Variants in PITPNM3 observed in about 807,000 individuals in gnomAD.
The protein encoded by PITPNM3 is PITPNM family member 3.
In PITPNM3, 26 loss-of-function variants were observed where a neutral mutation model predicts 102.0. The ratio of observed to expected loss-of-function variants is 0.25; its 90% CI spans 0.19 to 0.35. The LOEUF is 0.35. PITPNM3 is among the 10% of genes least tolerant of loss of function. The pLI is 1.00. For synonymous variants in PITPNM3, 578 were observed against 558.6 expected (o/e 1.03, Z -0.49); for missense variants, 1,083 against 1,346.1 (o/e 0.80, Z 3.06).
At chr17:6,538,237 C>T (rs555660520) in intron 1 of PITPNM3, among the ~76,000 whole-genome samples, 155 bp from the exon 2 acceptor site, 61 of 152,326 alleles carry the variant, frequency 4.0e-4, no homozygotes, top group African/African-American at 1.4e-3. Flanking sequence ...CCCTCCCTCT[C>T]CTGTGCTGTC....
At position 6,464,658 on chromosome 17, in the gene PITPNM3, C is replaced by G; in HGVS notation, c.2004G>C (p.Glu668Asp). Reference protein sequence around the residue: ...GPLDMVALTGEKVDILVMAEP... With the variant: ...GPLDMVALTGDKVDILVMAEP... The stretch of plus-strand genomic sequence containing the variant: ...GGGGAGGCCCAGCCCCAGGTACCTT[C>G]TCTCCAGTCAGAGCCACCATGTCGA... Residue 668 changes from glutamate (E) to aspartate (D), a missense_variant, in exon 15 of 20, where the codon GAG (glutamate) becomes GAC (aspartate). This residue lies in a region of PITPNM3 where 410 missense variants were observed against 638.4 expected (regional missense o/e 0.64). Transcript: ENST00000262483. The G allele has an allele frequency of 6.2e-7, 1 of 1,613,782 alleles. No individual in the cohort carries two copies.
rs1171268376 is a variant in PITPNM3, at chr17:6,455,080, C to T, written c.*258G>A. 3 of 535,052 alleles carry T rather than the reference C, an allele frequency of 5.6e-6. No individual in the cohort carries two copies. The highest frequency in any genetic ancestry group is 9.7e-6 in the Non-Finnish European group (3 of 309,884). The allele number at this position is 535,052 out of a possible 1,614,324, so 33.1% of individuals were successfully genotyped here. A position where few individuals can be genotyped will look rare whatever the true frequency, so the allele number is the denominator to read the frequency against. On this transcript the variant is annotated 3_prime_UTR_variant, in exon 20 of 20. Coordinates refer to ENST00000262483, the MANE Select transcript of PITPNM3 (RefSeq NM_031220.4). ...CCCCCAGGATGACACAAACATGAAC[C>T]CTGACTTGGGCTTGCGGTCGCAGGC...
chr17:6,524,171 C>T (rs1287130271), intron 3 of PITPNM3, among the ~76,000 whole-genome samples: 3 of 152,216 alleles, frequency 2.0e-5, no homozygotes, highest in Non-Finnish European at 4.4e-5. Context: ...ACTACCAAGG[C>T]AGCCGTTCCC....
At chr17:6,497,897 C>A (rs1877700) in intron 4 of PITPNM3, among the ~76,000 whole-genome samples, 48,453 of 152,130 alleles carry the variant, frequency 0.32, 8,896 homozygotes, top group Middle Eastern at 0.56. Flanking sequence ...CTTTCCCAGC[C>A]TGTGCACTGC....
Position 6,556,430 on chromosome 17 carries a change from G to T in PITPNM3, c.-24C>A. 8.0e-7 allele frequency: 1 copy of T among 1,256,414 alleles called. No homozygotes were observed. Among genetic ancestry groups the T allele is most frequent in the Admixed American group, 3.8e-5 (1 of 26,086 alleles). The allele number at this position is 1,256,414 out of a possible 1,614,324, so 77.8% of individuals were successfully genotyped here. On this transcript the variant is annotated 5_prime_UTR_variant, in exon 1 of 20. Coordinates refer to ENST00000262483, the MANE Select transcript of PITPNM3 (RefSeq NM_031220.4). The surrounding 1 kb of genome is among the most constrained non-coding windows in gnomAD (Gnocchi z 5.2). ...ATGTCCCGGGCGGCGGGCTCCGGCG[G>T]CGCTACGCGCGCTCCTCGCGCTTCC...
intron 3 of PITPNM3, among the ~76,000 whole-genome samples, chr17:6,505,195 A>ATATGTGT (rs1555556402): frequency 7.3e-6 from 1 of 136,288 alleles, no homozygotes; most frequent in African/African-American, 3.0e-5. Flanking sequence ...AGACAAATAA[A>ATATGTGT]ATATATATAT....
chr17:6,549,879 G>A (rs979725858), intron 1 of PITPNM3, among the ~76,000 whole-genome samples: 1 of 152,194 alleles, frequency 6.6e-6, no homozygotes, highest in Non-Finnish European at 1.5e-5. Context: ...TGGCCTGCCA[G>A]GAGGCACGTG....
intron 14 of PITPNM3, among the ~76,000 whole-genome samples, chr17:6,467,082 A>AAAAAAAAAAAC (rs1567662415): frequency 3.3e-5 from 4 of 122,834 alleles, no homozygotes; most frequent in Admixed American, 8.5e-5. Context: ...AAAAAAAACC[A>AAAAAAAAAAAC]AAAAAAAAAA....
At chr17:6,499,562 C>T (rs1907043861) in intron 4 of PITPNM3, among the ~76,000 whole-genome samples, 1 of 152,162 alleles carries the variant, frequency 6.6e-6, no homozygotes, top group African/African-American at 2.4e-5. Context: ...CCAGGTGTTC[C>T]AGCTTCCAAG....
intron 1 of PITPNM3, among the ~76,000 whole-genome samples, chr17:6,538,529 A>G (rs1909567102): frequency 6.6e-6 from 1 of 152,198 alleles, no homozygotes; most frequent in African/African-American, 2.4e-5. Flanking sequence ...TCACCAGCCC[A>G]AAAGGAGACA....
chr17:6,554,490 G>A (rs184061037), intron 1 of PITPNM3, among the ~76,000 whole-genome samples: 261 of 152,198 alleles, frequency 1.7e-3, no homozygotes, highest in African/African-American at 6.1e-3. Context: ...GTGTTGCCTC[G>A]AGGGAAAGGG....
intron 1 of PITPNM3, among the ~76,000 whole-genome samples, chr17:6,542,613 C>T (rs1263776440): frequency 1.3e-5 from 2 of 152,182 alleles, no homozygotes; most frequent in Admixed American, 6.5e-5. Flanking sequence ...TTTTCTCATC[C>T]GGAAAATGAG....
intron 1 of PITPNM3, among the ~76,000 whole-genome samples, chr17:6,548,413 G>A (rs1204330126): frequency 1.3e-5 from 2 of 152,170 alleles, no homozygotes; most frequent in Non-Finnish European, 2.9e-5. Flanking sequence ...GCAGTAATGG[G>A]AAAGCTGAAA....
Position 6,470,069 on chromosome 17 carries a change from G to T in PITPNM3, c.1773+191C>A, listed in dbSNP as rs1904988815. ...TGCCGTCAGCCACCCAGGAGCCAAT[G>T]TCTTTATGAAGCCCATTCTCTGGTC... On this transcript the variant is annotated intron_variant, in intron 13 of 19. Transcript: ENST00000262483. This position sits in a 1 kb window ranked among gnomAD's most constrained non-coding sequence, Gnocchi z 4.8. Among the ~76,000 whole-genome samples, 1 of 152,226 alleles carries T rather than the reference G, an allele frequency of 6.6e-6. No homozygotes were observed. The highest frequency in any genetic ancestry group is 6.5e-5 in the Admixed American group (1 of 15,288).
At chr17:6,493,862 TC>T (rs1464928418) in intron 4 of PITPNM3, among the ~76,000 whole-genome samples, 1 of 152,206 alleles carries the variant, frequency 6.6e-6, no homozygotes, top group Non-Finnish European at 1.5e-5. Context: ...CGGGGTTAGT[TC>T]GGAGGAACAG....
Position 6,472,604 on chromosome 17 carries a change from G to T in PITPNM3, c.1429+53C>A, listed in dbSNP as rs556949428. On this transcript the variant is annotated intron_variant, in intron 11 of 19. Coordinates refer to ENST00000262483, the MANE Select transcript of PITPNM3 (RefSeq NM_031220.4). This position sits in a 1 kb window ranked among gnomAD's most constrained non-coding sequence, Gnocchi z 4.1. ...CTGAGAGCTTGGAGGGGTTGAATGGGCTGGGGCCCCACCTCCAGCTCAGCA... is the reference window on the plus strand; with the variant it reads ...CTGAGAGCTTGGAGGGGTTGAATGGTCTGGGGCCCCACCTCCAGCTCAGCA... 278 of 1,578,844 alleles carry T rather than the reference G, an allele frequency of 1.8e-4. No homozygotes were observed. Among genetic ancestry groups the T allele is most frequent in the Admixed American group, 1.4e-3 (79 of 54,872 alleles).
intron 2 of PITPNM3, among the ~76,000 whole-genome samples, chr17:6,531,593 C>A (rs1407580631): frequency 6.6e-6 from 1 of 152,260 alleles, no homozygotes; most frequent in Admixed American, 6.5e-5. Flanking sequence ...ACTCTGAGTT[C>A]TGCATCTCTG....
Position 6,484,093 on chromosome 17 carries a change from C to A in PITPNM3, c.351+123G>T, listed in dbSNP as rs902730587. On this transcript the variant is annotated intron_variant, in intron 5 of 19. Transcript: ENST00000262483. The stretch of plus-strand genomic sequence containing the variant: ...AGCCCAGAGAAGGACACAGACCCAC[C>A]CAGGGTCACACAGCAAGTCAGACGA... 1.8e-5 allele frequency: 20 copies of A among 1,126,928 alleles called. No homozygotes were observed. The African/African-American group carries it at 3.1e-4, about 17-fold the overall frequency. 69.8% of individuals were successfully genotyped at this position (1,126,928 alleles called of 1,614,324 possible).
chr17:6,551,071 A>G (rs1910275618), intron 1 of PITPNM3, among the ~76,000 whole-genome samples: 1 of 152,202 alleles, frequency 6.6e-6, no homozygotes, highest in Non-Finnish European at 1.5e-5. Context: ...AAAAGCCTGG[A>G]GTCTGGCCAG....
Sources: gnomAD v4.1 joint callset for allele counts (sites outside exome capture counted in the v4.1 genomes callset) on GRCh38, gnomAD v4.1.1 for gene constraint, gnomAD v4.1.1 regional missense constraint, Gnocchi (gnomAD v3.1) non-coding constraint, MANE v1.5 for transcripts, NCBI Gene and HGNC (gene_info 2026-07-23, HGNC 2026-07-21) for gene names.